Variants in MAPKAP1 observed in about 807,000 individuals in gnomAD.
MAPKAP1 encodes MAPK associated protein 1, also known as target of rapamycin complex 2 subunit MAPKAP1.
In MAPKAP1, 20 loss-of-function variants were observed where a neutral mutation model predicts 65.7. The observed-to-expected ratio is 0.30, with a 90% CI of 0.21 to 0.44. MAPKAP1 has a LOEUF of 0.44. MAPKAP1 is among the 20% of genes least tolerant of loss of function. The pLI, the probability that MAPKAP1 is intolerant of heterozygous loss-of-function variation, is 1.00. For synonymous variants in MAPKAP1, 222 were observed against 244.3 expected (o/e 0.91, Z 0.85); for missense variants, 423 against 648.0 (o/e 0.65, Z 3.77).
chr9:125,647,254 G>A (rs1325246464), intron 4 of MAPKAP1, among the ~76,000 whole-genome samples: 4 of 152,200 alleles, frequency 2.6e-5, no homozygotes, highest in African/African-American at 9.7e-5. Context: ...AGAAAGTAAA[G>A]TGGAAATACT....
rs186426931 is a variant in MAPKAP1 at position 125,677,063 on chromosome 9, T to G, written c.-69-4420A>C. Among the ~76,000 whole-genome samples the G allele has an allele frequency of 4.6e-5, 7 of 152,346 alleles. No homozygotes were observed. The East Asian group carries it at 1.3e-3, about 29-fold the overall frequency. ...CACAGAACAAGGTTTAGAAATGCTA[T>G]TCTACACTTTCACAAATGCTGTCTC... On this transcript the variant is annotated intron_variant, in intron 1 of 11. Transcript: ENST00000265960.
chr9:125,506,206 C>CA (rs1829134334), intron 8 of MAPKAP1, 104 bp downstream of exon 8: 2 of 959,120 alleles, frequency 2.1e-6, no homozygotes, highest in Admixed American at 3.7e-5. Flanking sequence ...ACAGTCACTT[C>CA]AAATCTGCCT....
intron 1 of MAPKAP1, among the ~76,000 whole-genome samples, chr9:125,678,928 T>C (rs1250889245): frequency 3.3e-5 from 5 of 152,018 alleles, no homozygotes; most frequent in Non-Finnish European, 5.9e-5. Context: ...ATTCAAGAGC[T>C]TGGGATCTTA....
chr9:125,468,964 C>A (rs536243965), intron 9 of MAPKAP1, among the ~76,000 whole-genome samples: 2 of 152,074 alleles, frequency 1.3e-5, no homozygotes, highest in Non-Finnish European at 2.9e-5. Context: ...GCACAGCAAC[C>A]GCTTTCTCAG....
intron 10 of MAPKAP1, among the ~76,000 whole-genome samples, chr9:125,456,920 T>C (rs963148167): frequency 2.0e-5 from 3 of 152,200 alleles, no homozygotes; most frequent in Admixed American, 6.5e-5. Context: ...GGGCAATTTG[T>C]TTTGTGGCAA....
Position 125,672,447 on chromosome 9 carries a change from G to A in MAPKAP1, c.128C>T (p.Pro43Leu). The A allele has an allele frequency of 1.2e-6, 2 of 1,614,142 alleles. No individual in the cohort carries two copies. The highest frequency in any genetic ancestry group is 1.7e-6 in the Non-Finnish European group (2 of 1,180,030). ...DHDVDLEKIH[P>L]PSMPGDSGSE... ...CCCACTGTCTCCAGGCATTGAAGGA[G>A]GATGAATCTTCTCTAGGTCAACATC... The change falls in exon 2 of 12, where the codon CCT becomes CTT. Residue 43 changes from proline to leucine, a missense_variant. Coordinates refer to ENST00000265960, the MANE Select transcript of MAPKAP1 (RefSeq NM_001006617.3).
At chr9:125,530,184 T>C (rs1208352510) in intron 7 of MAPKAP1, among the ~76,000 whole-genome samples, 1 of 152,146 alleles carries the variant, frequency 6.6e-6, no homozygotes, top group East Asian at 1.9e-4. Context: ...AAAATCAGTC[T>C]TGGTAGAGAA....
chr9:125,455,970 A>AAT (rs1316566656), intron 10 of MAPKAP1, among the ~76,000 whole-genome samples: 1 of 152,230 alleles, frequency 6.6e-6, no homozygotes, highest in Non-Finnish European at 1.5e-5. Context: ...GATTGCCTGA[A>AAT]ATGTCATTAT....
At chr9:125,491,723 G>A (rs1351431384) in intron 8 of MAPKAP1, among the ~76,000 whole-genome samples, 1 of 151,858 alleles carries the variant, frequency 6.6e-6, no homozygotes, top group East Asian at 1.9e-4. Context: ...GGAGGTTGCA[G>A]TGAGCTGTGA....
At chr9:125,460,223 C>T (rs1266448808) in intron 10 of MAPKAP1, among the ~76,000 whole-genome samples, 1 of 151,628 alleles carries the variant, frequency 6.6e-6, no homozygotes, top group African/African-American at 2.4e-5. Flanking sequence ...TTTACCTAGG[C>T]AATTGTTTTG....
At chr9:125,698,202 T>C in intron 1 of MAPKAP1, among the ~76,000 whole-genome samples, 1 of 146,026 alleles carries the variant, frequency 6.8e-6, no homozygotes, top group East Asian at 2.0e-4. Flanking sequence ...CACATATGTG[T>C]ATATATATGT....
chr9:125,577,959 T>G (rs1298722688), intron 5 of MAPKAP1, among the ~76,000 whole-genome samples: 27 of 151,690 alleles, frequency 1.8e-4, no homozygotes, highest in Admixed American at 6.5e-4. Context: ...GAACAGGCCA[T>G]GATGACAATG....
chr9:125,558,789 T>C (rs1339653697), intron 6 of MAPKAP1, among the ~76,000 whole-genome samples: 1 of 152,190 alleles, frequency 6.6e-6, no homozygotes, highest in Admixed American at 6.5e-5. Flanking sequence ...CTCATAAACT[T>C]GAATGGATAA....
intron 5 of MAPKAP1, among the ~76,000 whole-genome samples, chr9:125,577,618 G>T (rs1831472072): frequency 2.3e-5 from 1 of 44,012 alleles, no homozygotes; most frequent in Non-Finnish European, 4.7e-5. Flanking sequence ...AGGTGGGGGG[G>T]GTCAGCCCCC....
At chr9:125,496,211 A>G (rs368759937) in intron 8 of MAPKAP1, among the ~76,000 whole-genome samples, 17 of 152,190 alleles carry the variant, frequency 1.1e-4, no homozygotes, top group African/African-American at 3.9e-4. Context: ...AGAGGAAGAC[A>G]AGGACTCACA....
At chr9:125,571,326 T>C (rs2131539480) in intron 5 of MAPKAP1, among the ~76,000 whole-genome samples, 1 of 152,366 alleles carries the variant, frequency 6.6e-6, no homozygotes, top group Non-Finnish European at 1.5e-5. Context: ...TACAGACCAT[T>C]GTTGTCTTGT....
chr9:125,457,147 C>A (rs977183907), intron 10 of MAPKAP1, among the ~76,000 whole-genome samples: 4 of 152,022 alleles, frequency 2.6e-5, no homozygotes, highest in African/African-American at 9.7e-5. Flanking sequence ...AGCCACCATG[C>A]CTGGCTAATT....
intron 1 of MAPKAP1, 52 bp downstream of exon 1, chr9:125,706,919 A>T (rs1012300894): frequency 1.3e-5 from 5 of 387,124 alleles, no homozygotes; most frequent in African/African-American, 1.0e-4. Flanking sequence ...CAGGTGGGCA[A>T]GCTGGTGGGC....
intron 9 of MAPKAP1, among the ~76,000 whole-genome samples, chr9:125,473,126 A>C (rs972688442): frequency 6.7e-6 from 1 of 149,672 alleles, no homozygotes; most frequent in Non-Finnish European, 1.5e-5. Context: ...AACTTCTAGC[A>C]GTTCTAGTGG....
Sources: allele counts gnomAD v4.1 joint callset (sites outside exome capture counted in the v4.1 genomes callset), GRCh38; gene constraint gnomAD v4.1.1; transcripts MANE v1.5; gene names NCBI Gene and HGNC (gene_info 2026-07-23, HGNC 2026-07-21).